Variants in MACROD2 observed in about 807,000 individuals in gnomAD.
The protein encoded by MACROD2 is ADP-ribose glycohydrolase MACROD2.
MACROD2 carries 36 observed loss-of-function variants against 70.4 expected under a neutral mutation model. The ratio of observed to expected loss-of-function variants is 0.51; its 90% confidence interval spans 0.39 to 0.68. The LOEUF is 0.68. MACROD2 is among the 30% of genes least tolerant of loss of function. The pLI, the probability that MACROD2 is intolerant of heterozygous loss-of-function variation, is 0.00. For missense variants in MACROD2, 496 were observed against 538.4 expected (o/e 0.92, Z 0.78); for synonymous variants, 172 against 178.8 (o/e 0.96, Z 0.30).
At chr20:15,727,409 C>T (rs2050880794) in intron 8 of MACROD2, among the ~76,000 whole-genome samples, 2 of 151,156 alleles carry the variant, frequency 1.3e-5, no homozygotes, top group African/African-American at 4.9e-5. Context: ...TTAAGATTGC[C>T]TCTATTTGGG....
At chr20:14,997,540 G>A (rs538797733) in intron 5 of MACROD2, among the ~76,000 whole-genome samples, 1 of 152,156 alleles carries the variant, frequency 6.6e-6, no homozygotes, top group Admixed American at 6.5e-5. Context: ...GGAAGGTTAA[G>A]AAGGACTTTG....
At chr20:15,413,845 A>G (rs1263541836) in intron 6 of MACROD2, among the ~76,000 whole-genome samples, 1 of 152,190 alleles carries the variant, frequency 6.6e-6, no homozygotes, top group Non-Finnish European at 1.5e-5. Context: ...AGCCATTTGC[A>G]ATTCTGACAA....
chr20:15,208,910 T>A (rs1004493558), intron 5 of MACROD2, among the ~76,000 whole-genome samples: 2 of 152,130 alleles, frequency 1.3e-5, no homozygotes, highest in Non-Finnish European at 2.9e-5. Context: ...CTAACCAGCC[T>A]CCTCTGATAC....
At chr20:14,414,111 A>G (rs6074731) in intron 3 of MACROD2, among the ~76,000 whole-genome samples, 48,531 of 151,942 alleles carry the variant, frequency 0.32, 7,981 homozygotes, top group Admixed American at 0.4. Context: ...TCTAATTTAT[A>G]TCTATGGCGT....
chr20:15,897,688 T>G (rs1460514790), intron 10 of MACROD2, among the ~76,000 whole-genome samples: 1 of 152,162 alleles, frequency 6.6e-6, no homozygotes, highest in Non-Finnish European at 1.5e-5. Context: ...TCTAATATAG[T>G]TTTCTTTTTT....
intron 6 of MACROD2, among the ~76,000 whole-genome samples, chr20:15,377,807 G>A (rs1001688006): frequency 6.6e-6 from 1 of 152,252 alleles, no homozygotes; most frequent in Non-Finnish European, 1.5e-5. Context: ...AGCCACGCAT[G>A]TGGTATCATT....
At chr20:15,002,936 C>G (rs147154567) in intron 5 of MACROD2, among the ~76,000 whole-genome samples, 1 of 152,124 alleles carries the variant, frequency 6.6e-6, no homozygotes, top group African/African-American at 2.4e-5. Flanking sequence ...TAGAAAGTAA[C>G]AAACACACAT....
At chr20:15,173,940 G>T (rs915746261) in intron 5 of MACROD2, among the ~76,000 whole-genome samples, 4 of 152,074 alleles carry the variant, frequency 2.6e-5, no homozygotes, top group Non-Finnish European at 5.9e-5. Flanking sequence ...GAGATAAAAT[G>T]TTTTGTTCAT....
intron 11 of MACROD2, among the ~76,000 whole-genome samples, chr20:15,934,316 G>A (rs963370717): frequency 2.0e-5 from 3 of 152,122 alleles, no homozygotes; most frequent in African/African-American, 7.2e-5. Flanking sequence ...CTAGGGATCT[G>A]GAAGCTTTTA....
At chr20:14,071,252 G>GTTTTTGTTTT (rs2053833822) in intron 2 of MACROD2, among the ~76,000 whole-genome samples, 1 of 63,956 alleles carries the variant, frequency 1.6e-5, no homozygotes, top group Non-Finnish European at 2.9e-5. Flanking sequence ...TTCATCTTGT[G>GTTTTTGTTTT]TTTTTTTTTT....
At chr20:15,757,257 G>C (rs1600848574) in intron 8 of MACROD2, among the ~76,000 whole-genome samples, 1 of 152,164 alleles carries the variant, frequency 6.6e-6, no homozygotes, top group Non-Finnish European at 1.5e-5. Flanking sequence ...GTTAAAATTA[G>C]TAGTAGAAAC....
At chr20:15,763,623 G>C (rs143603566) in intron 8 of MACROD2, among the ~76,000 whole-genome samples, 16 of 152,176 alleles carry the variant, frequency 1.1e-4, no homozygotes, top group Admixed American at 3.3e-4. Context: ...AAGTATAATA[G>C]AAGAAGTGGA....
intron 3 of MACROD2, among the ~76,000 whole-genome samples, chr20:14,454,929 T>G (rs2084284488): frequency 6.6e-6 from 1 of 151,972 alleles, no homozygotes; most frequent in African/African-American, 2.4e-5. Context: ...ATTTTTTGTA[T>G]TTTTAGTAGA....
intron 5 of MACROD2, among the ~76,000 whole-genome samples, chr20:14,930,795 A>G (rs1600841519): frequency 1.6e-5 from 2 of 124,330 alleles, no homozygotes; most frequent in African/African-American, 5.9e-5. Flanking sequence ...AAAAAAGTCT[A>G]TCTCCTGTTC....
intron 6 of MACROD2, among the ~76,000 whole-genome samples, chr20:15,302,991 A>G (rs1444678851): frequency 2.0e-5 from 3 of 152,190 alleles, no homozygotes; most frequent in African/African-American, 7.2e-5. Flanking sequence ...ATTAAATAAA[A>G]TATTTATGTG....
At chr20:15,850,333 G>A (rs566799091) in intron 8 of MACROD2, among the ~76,000 whole-genome samples, 1 of 152,256 alleles carries the variant, frequency 6.6e-6, no homozygotes, top group South Asian at 2.1e-4. Context: ...AGGCTGCCAG[G>A]GTGACAGGCA....
chr20:15,388,102 A>G (rs7268236), intron 6 of MACROD2, among the ~76,000 whole-genome samples: 2,570 of 152,164 alleles, frequency 0.017, 76 homozygotes, highest in African/African-American at 0.059. Context: ...CTTGGAAGAA[A>G]TAAGACCTCA....
At chr20:14,924,154 A>G (rs2074199249) in intron 5 of MACROD2, among the ~76,000 whole-genome samples, 1 of 152,186 alleles carries the variant, frequency 6.6e-6, no homozygotes, top group South Asian at 2.1e-4. Context: ...AAAACAGAAA[A>G]ATAATACCAT....
chr20:15,577,986 G>T (rs1426367098), intron 8 of MACROD2, among the ~76,000 whole-genome samples: 4 of 152,170 alleles, frequency 2.6e-5, no homozygotes, highest in Admixed American at 6.5e-5. Flanking sequence ...GAGCAACACA[G>T]AATCTGTCTC....
Sources: allele counts gnomAD v4.1 joint callset (sites outside exome capture counted in the v4.1 genomes callset), GRCh38; gene constraint gnomAD v4.1.1; transcripts MANE v1.5; gene names NCBI Gene and HGNC (gene_info 2026-07-23, HGNC 2026-07-21).